The following AHI1 variants were observed in gnomAD, a reference collection of about 807,000 sequenced individuals.
AHI1 encodes the protein jouberin.
AHI1 carries 123 observed loss-of-function variants against 149.3 expected under a neutral mutation model. The observed-to-expected ratio is 0.82, with a 90% CI of 0.71 to 0.96. The LOEUF is 0.96. AHI1 is among the 40% of genes least tolerant of loss of function. The pLI, the probability that AHI1 is intolerant of heterozygous loss-of-function variation, is 0.00. For synonymous variants in AHI1, 475 were observed against 459.8 expected (o/e 1.03, Z -0.42); for missense variants, 1,439 against 1,422.7 (o/e 1.01, Z -0.18).
At position 135,455,818 on chromosome 6, in the gene AHI1, C is replaced by T. The variant is rs863225143; in HGVS notation, c.1260G>A (p.Trp420Ter). ...FKQLKSRLPE[W>*]EEQIVFNENF... ...TTTCATTAAATACAATTTGTTCTTC[C>T]CACTCTGGAAGTCTTGATTTTAACT... The change falls in exon 10 of 29, where the codon TGG becomes TGA. Residue 420 changes from tryptophan (W) to a stop codon, truncating the protein, a stop_gained. Transcript: ENST00000265602. LOFTEE classifies it high-confidence loss of function. 53 of 1,600,720 alleles carry T rather than the reference C, an allele frequency of 3.3e-5. No individual in the cohort carries two copies. The highest frequency in any genetic ancestry group is 4.4e-5 in the Non-Finnish European group (52 of 1,172,514).
intron 23 of AHI1, among the ~76,000 whole-genome samples, chr6:135,390,603 G>C (rs944603549): frequency 6.6e-6 from 1 of 152,124 alleles, no homozygotes; most frequent in Non-Finnish European, 1.5e-5. Flanking sequence ...TCTAGGAATA[G>C]GCAGTTTGGT....
chr6:135,442,767 G>T, intron 13 of AHI1, 53 bp from the exon 14 acceptor site: 1 of 1,491,714 alleles, frequency 6.7e-7, no homozygotes, highest in Non-Finnish European at 9.0e-7. Flanking sequence ...AAACGCGAAG[G>T]CTAGTTTTTA....
chr6:135,302,811 A>G (rs1406587270), intron 26 of AHI1: 1 of 1,288,764 alleles, frequency 7.8e-7, no homozygotes, highest in African/African-American at 1.5e-5. Context: ...GTTTTGTTTT[A>G]TTTTACCTTT....
At chr6:135,471,193 A>C (rs1791633064) in intron 5 of AHI1, among the ~76,000 whole-genome samples, 1 of 152,128 alleles carries the variant, frequency 6.6e-6, no homozygotes, top group African/African-American at 2.4e-5. Context: ...TTAAAATTGA[A>C]ACTCCAGGCA....
intron 5 of AHI1, among the ~76,000 whole-genome samples, chr6:135,484,228 T>C (rs1173844340): frequency 6.6e-6 from 1 of 152,122 alleles, no homozygotes; most frequent in Non-Finnish European, 1.5e-5. Context: ...GTTCCTCCCA[T>C]GACACACGGG....
At chr6:135,374,214 G>A (rs780350107) in intron 23 of AHI1, among the ~76,000 whole-genome samples, 5 of 145,886 alleles carry the variant, frequency 3.4e-5, no homozygotes, top group Middle Eastern at 3.5e-3. Context: ...CCAGGTTCAC[G>A]CCATTCTCCT....
chr6:135,285,573 A>G lies in AHI1; in HGVS notation c.*72T>C. The stretch of plus-strand genomic sequence containing the variant: ...TAGTATCTGAAAATTCTGAACTCTG[A>G]AGAGAAATTCCATTTGGTTTGTCAT... On this transcript the variant is annotated 3_prime_UTR_variant, in exon 29 of 29. Transcript: ENST00000265602. 6.6e-7 allele frequency: 1 copy of G among 1,522,312 alleles called. No homozygotes were observed. The highest frequency in any genetic ancestry group is 9.1e-7 in the Non-Finnish European group (1 of 1,104,600). The allele number at this position is 1,522,312 out of a possible 1,614,324, so 94.3% of individuals were successfully genotyped here.
intron 24 of AHI1, among the ~76,000 whole-genome samples, chr6:135,329,851 T>A (rs1788275424): frequency 6.6e-6 from 1 of 152,038 alleles, no homozygotes; most frequent in Admixed American, 6.6e-5. Flanking sequence ...TTAACAGGGG[T>A]GTGGAAGGTT....
rs138522209 is a variant in AHI1 at position 135,324,464 on chromosome 6, T to C, written c.3166-1140A>G. 8.8e-4 allele frequency among the ~76,000 whole-genome samples: 133 copies of C among 151,860 alleles called. 3 individuals are homozygous for C. In the East Asian group the frequency reaches 0.022, roughly 25 times the overall value. Reference sequence around the variant, plus strand: ...TATACTAAATAATACATTTATGCTGTTTTCCCCTCTACTTAAACAGTATCT... The same window carrying C: ...TATACTAAATAATACATTTATGCTGCTTTCCCCTCTACTTAAACAGTATCT... On this transcript the variant is annotated intron_variant, in intron 24 of 28. Transcript: ENST00000265602.
intron 8 of AHI1, among the ~76,000 whole-genome samples, chr6:135,460,337 A>G (rs1789679329): frequency 6.6e-6 from 1 of 152,218 alleles, no homozygotes; most frequent in Non-Finnish European, 1.5e-5. Context: ...TCATTAAGAA[A>G]CATCAAATCC....
intron 14 of AHI1, among the ~76,000 whole-genome samples, chr6:135,440,171 T>C (rs1441132865): frequency 6.6e-6 from 1 of 151,974 alleles, no homozygotes; most frequent in African/African-American, 2.4e-5. Context: ...AAAAGCCCCA[T>C]CCCCAAAGAC....
intron 23 of AHI1, among the ~76,000 whole-genome samples, chr6:135,365,946 T>C (rs1337744236): frequency 1.3e-5 from 2 of 152,216 alleles, no homozygotes; most frequent in East Asian, 1.9e-4. Flanking sequence ...GGCTGTGGGT[T>C]TGTCACAGAT....
intron 22 of AHI1, among the ~76,000 whole-genome samples, chr6:135,396,990 T>A (rs1779309463): frequency 6.6e-6 from 1 of 151,894 alleles, no homozygotes; most frequent in Non-Finnish European, 1.5e-5. Context: ...TGTCATTCTT[T>A]TACAACAAAA....
chr6:135,332,214 C>T (rs764119513), intron 24 of AHI1, among the ~76,000 whole-genome samples: 20 of 152,004 alleles, frequency 1.3e-4, no homozygotes, highest in Non-Finnish European at 1.8e-4. Flanking sequence ...GGATTACAGG[C>T]GTGCACCACT....
chr6:135,300,575 A>C lies in AHI1; in HGVS notation c.3427-17T>G, dbSNP rs752533355. On this transcript the variant is annotated splice_polypyrimidine_tract_variant and intron_variant, in intron 26 of 28. Transcript: ENST00000265602. ...GATTGATTGCTGTGGAAGAAGAGGAAAAACAAGTAGTAAGTAAAAAATGAG... is the reference window on the plus strand; with the variant it reads ...GATTGATTGCTGTGGAAGAAGAGGACAAACAAGTAGTAAGTAAAAAATGAG... 6.3e-7 allele frequency: 1 copy of C among 1,596,234 alleles called. No individual in the cohort carries two copies. Among genetic ancestry groups the C allele is most frequent in the Non-Finnish European group, 8.5e-7 (1 of 1,170,486 alleles).
chr6:135,477,114 C>T (rs1792798204), intron 5 of AHI1, among the ~76,000 whole-genome samples: 2 of 148,812 alleles, frequency 1.3e-5, no homozygotes, highest in Admixed American at 1.3e-4. Context: ...GATCTCGGCT[C>T]ACTGCAAGCT....
chr6:135,457,869 G>A (rs1200536281), intron 8 of AHI1, among the ~76,000 whole-genome samples, 156 bp from the exon 9 acceptor site: 1 of 152,164 alleles, frequency 6.6e-6, no homozygotes, highest in East Asian at 1.9e-4. Flanking sequence ...AAACCATAGT[G>A]TGAAAGTAAA....
intron 5 of AHI1, among the ~76,000 whole-genome samples, chr6:135,480,584 C>G (rs1158474635): frequency 1.3e-5 from 2 of 152,168 alleles, no homozygotes; most frequent in Non-Finnish European, 2.9e-5. Context: ...AAATTTAGTC[C>G]TTAATTTGGC....
intron 8 of AHI1, among the ~76,000 whole-genome samples, chr6:135,461,479 G>A (rs1789873899): frequency 6.6e-6 from 1 of 151,964 alleles, no homozygotes; most frequent in Admixed American, 6.6e-5. Flanking sequence ...CTCAAACACT[G>A]CTAGTGTCAA....
Sources: allele counts gnomAD v4.1 joint callset (sites outside exome capture counted in the v4.1 genomes callset), GRCh38; gene constraint gnomAD v4.1.1; transcripts MANE v1.5; gene names NCBI Gene and HGNC (gene_info 2026-07-23, HGNC 2026-07-21).